FOXP1: variants seen among roughly 807,000 people sequenced by gnomAD.
The protein encoded by FOXP1 is forkhead box P1.
Under a neutral mutation model 98.2 loss-of-function variants are expected in FOXP1, and 15 were observed. The ratio of observed to expected loss-of-function variants is 0.15; its 90% CI spans 0.10 to 0.24. The LOEUF is 0.24. Among genes scored for constraint, FOXP1 ranks in the 10% least tolerant of loss-of-function variants. FOXP1 has a pLI of 1.00. For missense variants in FOXP1, 633 were observed against 848.5 expected (o/e 0.75, Z 3.15); for synonymous variants, 371 against 314.5 (o/e 1.18, Z -1.90).
intron 3 of FOXP1, among the ~76,000 whole-genome samples, chr3:71,401,151 G>A (rs1263566800): frequency 6.6e-6 from 1 of 152,188 alleles, no homozygotes; most frequent in African/African-American, 2.4e-5. Flanking sequence ...ACATATGAAA[G>A]AAACTGTACT....
chr3:71,198,536 A>C, intron 5 of FOXP1, 144 bp from the exon 6 acceptor site: 1 of 740,736 alleles, frequency 1.4e-6, no homozygotes, highest in South Asian at 1.7e-5. Context: ...CTTTCACTCA[A>C]CTTATCCCCT....
chr3:71,457,209 C>A (rs2087589566), intron 3 of FOXP1, among the ~76,000 whole-genome samples: 1 of 151,780 alleles, frequency 6.6e-6, no homozygotes, highest in African/African-American at 2.4e-5. Context: ...TGGATTAATA[C>A]CATTTTCAAA....
chr3:71,345,871 T>TAAAAAAAAAAAAAAAAAAAA lies in FOXP1; in HGVS notation c.-73+13259_-73+13278dup, dbSNP rs71120316. Among the ~76,000 whole-genome samples, 267 of 55,076 alleles carry TAAAAAAAAAAAAAAAAAAAA rather than the reference T, an allele frequency of 4.8e-3. 33 individuals are homozygous for TAAAAAAAAAAAAAAAAAAAA. The highest frequency in any genetic ancestry group is 7.1e-3 in the Non-Finnish European group (211 of 29,644). The allele number at this position is 55,076 out of a possible 152,430, so 36.1% of individuals were successfully genotyped here. A position where few individuals can be genotyped will look rare whatever the true frequency, so the allele number is the denominator to read the frequency against. On this transcript the variant is annotated intron_variant, in intron 4 of 20. Coordinates refer to ENST00000649528, the MANE Select transcript of FOXP1 (RefSeq NM_001349338.3). ...AGGTTTGAAATCAATAAAGTTTTTG[T>TAAAAAAAAAAAAAAAAAAAA]AAAAAAAAAAAAAAAAAAAAAAAAA...
intron 13 of FOXP1, among the ~76,000 whole-genome samples, chr3:70,995,823 T>C (rs1465098805): frequency 6.6e-6 from 1 of 152,162 alleles, no homozygotes; most frequent in African/African-American, 2.4e-5. Context: ...CCCTTCCCTG[T>C]TAACAAGCTC....
chr3:70,955,503 C>T lies in FOXP1; in HGVS notation c.*3744G>A, dbSNP rs1332555604. ...TTGTCTGACACACGGGACTACCTCCCTAATGTATGCTTTTCTTTGAGAAAA... is the reference window on the plus strand; with the variant it reads ...TTGTCTGACACACGGGACTACCTCCTTAATGTATGCTTTTCTTTGAGAAAA... On this transcript the variant is annotated 3_prime_UTR_variant, in exon 21 of 21. Transcript: ENST00000649528. The T allele has an allele frequency of 1.3e-5, 3 of 232,360 alleles. No homozygotes were observed. The highest frequency in any genetic ancestry group is 2.2e-5 in the African/African-American group (1 of 45,158). 14.4% of individuals were successfully genotyped at this position (232,360 alleles called of 1,614,324 possible). A position where few individuals can be genotyped will look rare whatever the true frequency, so the allele number is the denominator to read the frequency against.
chr3:71,070,183 G>T (rs564307112), intron 7 of FOXP1, among the ~76,000 whole-genome samples: 34 of 152,324 alleles, frequency 2.2e-4, no homozygotes, highest in African/African-American at 7.9e-4. Context: ...TAAACAAAAT[G>T]GGGGGAGAAA....
intron 3 of FOXP1, among the ~76,000 whole-genome samples, chr3:71,381,341 G>A (rs966758036): frequency 2.0e-5 from 3 of 151,730 alleles, no homozygotes; most frequent in African/African-American, 4.8e-5. Context: ...TAGTAGAGAC[G>A]GGGTTTTATC....
chr3:71,174,336 G>C (rs916437468), intron 6 of FOXP1, among the ~76,000 whole-genome samples: 1 of 152,222 alleles, frequency 6.6e-6, no homozygotes, highest in East Asian at 1.9e-4. Flanking sequence ...TACTGGGGAG[G>C]GTGAGGCAGG....
At chr3:71,492,657 A>G (rs2091145051) in intron 3 of FOXP1, among the ~76,000 whole-genome samples, 1 of 152,140 alleles carries the variant, frequency 6.6e-6, no homozygotes, top group Admixed American at 6.5e-5. Flanking sequence ...CAAACCCTGA[A>G]ATGATAAGGT....
chr3:71,275,421 GC>G (rs1560223838), intron 5 of FOXP1, among the ~76,000 whole-genome samples: 1 of 152,126 alleles, frequency 6.6e-6, no homozygotes, highest in African/African-American at 2.4e-5. Context: ...AGTAACAGTC[GC>G]TTTTCCTTAC....
At chr3:71,453,489 C>A (rs1027643760) in intron 3 of FOXP1, among the ~76,000 whole-genome samples, 2 of 152,152 alleles carry the variant, frequency 1.3e-5, no homozygotes, top group Non-Finnish European at 2.9e-5. Flanking sequence ...CTACTGGCCG[C>A]ATCAAAGGAT....
At chr3:71,258,894 C>T (rs1450039704) in intron 5 of FOXP1, among the ~76,000 whole-genome samples, 2 of 151,938 alleles carry the variant, frequency 1.3e-5, no homozygotes, top group South Asian at 2.1e-4. Context: ...GCCTGTAATC[C>T]CAGCACTGTG....
At chr3:71,100,246 C>G (rs1280747041) in intron 7 of FOXP1, among the ~76,000 whole-genome samples, 1 of 152,256 alleles carries the variant, frequency 6.6e-6, no homozygotes, top group Middle Eastern at 3.2e-3. Context: ...ATATCCTCAA[C>G]AAAGTTGGTA....
chr3:71,320,357 G>A (rs1437705801), intron 4 of FOXP1, among the ~76,000 whole-genome samples: 3 of 151,550 alleles, frequency 2.0e-5, no homozygotes, highest in African/African-American at 7.3e-5. Context: ...TTTTTTTGCG[G>A]CTCTGGAACC....
chr3:71,504,635 G>A (rs1413705760), intron 2 of FOXP1, among the ~76,000 whole-genome samples: 1 of 152,126 alleles, frequency 6.6e-6, no homozygotes, highest in African/African-American at 2.4e-5. Context: ...CAAAGGAAAC[G>A]TGCACATTCC....
intron 12 of FOXP1, among the ~76,000 whole-genome samples, chr3:71,010,170 T>C (rs1397501789): frequency 6.6e-6 from 1 of 152,080 alleles, no homozygotes; most frequent in East Asian, 1.9e-4. Flanking sequence ...ATTAATAATG[T>C]CCTCACTACC....
chr3:71,133,095 T>C (rs146869134), intron 6 of FOXP1, among the ~76,000 whole-genome samples: 1 of 152,312 alleles, frequency 6.6e-6, no homozygotes, highest in African/African-American at 2.4e-5. Context: ...CAGAAAGGTT[T>C]GCCGTGAAAA....
intron 2 of FOXP1, among the ~76,000 whole-genome samples, chr3:71,563,317 A>C (rs1486402887): frequency 6.6e-6 from 1 of 152,202 alleles, no homozygotes; most frequent in East Asian, 1.9e-4. Context: ...AGTTTAACAA[A>C]AAAGGGCACA....
At chr3:71,316,050 A>G (rs1030960357) in intron 4 of FOXP1, among the ~76,000 whole-genome samples, 1 of 152,166 alleles carries the variant, frequency 6.6e-6, no homozygotes, top group African/African-American at 2.4e-5. Flanking sequence ...TTTCATTAGG[A>G]GGCAAGAGAG....
Sources: gnomAD v4.1 joint callset for allele counts (sites outside exome capture counted in the v4.1 genomes callset) on GRCh38, gnomAD v4.1.1 for gene constraint, MANE v1.5 for transcripts, NCBI Gene and HGNC (gene_info 2026-07-23, HGNC 2026-07-21) for gene names.